SP110: variants seen among roughly 807,000 people sequenced by gnomAD.
SP110 encodes the protein SP110 nuclear body protein, also known as interferon-induced protein 41, 30kD.
SP110 carries 62 observed loss-of-function variants against 92.7 expected under a neutral mutation model. The observed-to-expected ratio is 0.67, with a 90% CI of 0.55 to 0.83. The LOEUF (loss-of-function observed/expected upper bound fraction) is 0.83, where lower values mean the gene tolerates loss of function less well. Ranked by LOEUF, SP110 falls within the 40% of genes least tolerant of loss-of-function variation. The probability of loss-of-function intolerance (pLI) is 0.00; values close to 1 mark genes in which losing one functional copy is unlikely to be tolerated. For missense variants in SP110, 793 were observed against 863.9 expected (o/e 0.92, Z 1.03); for synonymous variants, 273 against 305.3 (o/e 0.89, Z 1.10).
exon 1 of SP110, chr2:230,225,609 T>C: frequency 1.7e-6 from 1 of 585,066 alleles, no homozygotes; most frequent in South Asian, 1.9e-5. Flanking sequence ...AGTGACCCTG[T>C]CTTCCGTGGC....
chr2:230,194,924 G>A (rs2042796630), intron 10 of SP110, among the ~76,000 whole-genome samples: 1 of 152,140 alleles, frequency 6.6e-6, no homozygotes, highest in Non-Finnish European at 1.5e-5. Context: ...TGGCCTAGGG[G>A]ACAAGGTTGG....
At chr2:230,191,565 C>T (rs985290838) in intron 10 of SP110, among the ~76,000 whole-genome samples, 4 of 152,106 alleles carry the variant, frequency 2.6e-5, no homozygotes, top group Non-Finnish European at 1.5e-5. Context: ...CACATACACC[C>T]TATCAAGACT....
intron 12 of SP110, among the ~76,000 whole-genome samples, chr2:230,181,259 A>T (rs1020677845): frequency 3.2e-4 from 49 of 152,358 alleles, no homozygotes; most frequent in African/African-American, 1.2e-3. Flanking sequence ...ACCTTTTTCT[A>T]ACTCACACAC....
At chr2:230,214,477 A>G (rs1010353017) in intron 3 of SP110, among the ~76,000 whole-genome samples, 2 of 152,234 alleles carry the variant, frequency 1.3e-5, no homozygotes, top group Non-Finnish European at 2.9e-5. Context: ...TGTCAGTCAA[A>G]TGGGGTTAAA....
rs1560518118 is a variant in SP110 at position 230,169,106 on chromosome 2, A to AGAACAGG, written c.*17_*18insCCTGTTC. The AGAACAGG allele has an allele frequency of 6.6e-7, 1 of 1,505,876 alleles. No homozygotes were observed. The highest frequency in any genetic ancestry group is 1.1e-5 in the South Asian group (1 of 88,876). The allele number at this position is 1,505,876 out of a possible 1,614,324, so 93.3% of individuals were successfully genotyped here. A position where few individuals can be genotyped will look rare whatever the true frequency, so the allele number is the denominator to read the frequency against. ...CTGAATCCTGAGGTGGGGATGCTTC[A>AGAACAGG]GTCTTTACAGAACAGGGTCAAGGAA... On this transcript the variant is annotated 3_prime_UTR_variant, in exon 19 of 19. Transcript: ENST00000258381.
In SP110 at chr2:230,211,911, A is replaced by C. The variant is rs1194679044; in HGVS notation, c.668-358T>G. Among the ~76,000 whole-genome samples the C allele has an allele frequency of 6.6e-6, 1 of 152,218 alleles. No homozygotes were observed. Among genetic ancestry groups the C allele is most frequent in the Non-Finnish European group, 1.5e-5 (1 of 68,034 alleles). On this transcript the variant is annotated intron_variant, in intron 5 of 18. Transcript: ENST00000258381. The surrounding 1 kb of genome is among the most constrained non-coding windows in gnomAD (Gnocchi z 4.2). ...ATCATACCATTCTTACGTTTAATGT[A>C]ATCAAACTCCATTATGATGATGGTT... is the stretch of plus-strand genomic sequence containing the variant.
intron 14 of SP110, chr2:230,173,163 C>A: frequency 1.8e-6 from 1 of 547,974 alleles, no homozygotes; most frequent in East Asian, 3.5e-5. Context: ...TGGTGACCGC[C>A]GCCACCAGGA....
intron 3 of SP110, 129 bp from the exon 4 acceptor site, chr2:230,213,156 G>A (rs959427901): frequency 2.3e-6 from 2 of 858,082 alleles, no homozygotes; most frequent in Non-Finnish European, 3.8e-6. Flanking sequence ...CAGGTGCAGA[G>A]AACTGATTCA....
At chr2:230,223,258 A>T (rs2045971653), upstream of SP110, among the ~76,000 whole-genome samples, 1 of 151,924 alleles carries the variant, frequency 6.6e-6, no homozygotes, top group Non-Finnish European at 1.5e-5. Context: ...GATGGTCTTG[A>T]TCTCCTGACC....
upstream of SP110, among the ~76,000 whole-genome samples, chr2:230,224,440 G>GGAGGGAGAGA (rs200009484): frequency 7.0e-6 from 1 of 142,970 alleles, no homozygotes; most frequent in South Asian, 2.3e-4. Flanking sequence ...GGAGGGAGAG[G>GGAGGGAGAGA]GAGGGAGAGA....
In SP110 at chr2:230,166,925, T is replaced by C. The variant is rs977754576; in HGVS notation, c.*2199A>G. ...ATAAATGAGTGACTGCTGCTTCCTT[T>C]TTCCCCGTTTGAATGGAAGTGTCTA... On this transcript the variant is annotated 3_prime_UTR_variant, in exon 19 of 19. Coordinates refer to ENST00000258381, the MANE Select transcript of SP110 (RefSeq NM_080424.4). Among the ~76,000 whole-genome samples the C allele has an allele frequency of 6.6e-6, 1 of 152,184 alleles. No homozygotes were observed. Among genetic ancestry groups the C allele is most frequent in the African/African-American group, 2.4e-5 (1 of 41,444 alleles).
chr2:230,208,024 T>C lies in SP110; in HGVS notation c.865A>G (p.Lys289Glu). Residue 289 changes from lysine to glutamate, a missense_variant, in exon 8 of 19, where the codon AAA becomes GAA. Lys to Glu is a moderately conservative substitution (Grantham distance 56). Transcript: ENST00000258381. ...KRKRCIWSTP[K>E]RRHKKKSLPG... ...AGGCTTTTTTTCTTATGTCTCCTTT[T>C]TGGAGTTGACCAGATACATCTTTTT... 6.4e-7 allele frequency: 1 copy of C among 1,568,898 alleles called. No homozygotes were observed. Among genetic ancestry groups the C allele is most frequent in the Non-Finnish European group, 8.8e-7 (1 of 1,140,914 alleles).
chr2:230,190,875 C>T lies in SP110; in HGVS notation c.1130-4732G>A, dbSNP rs143138463. On this transcript the variant is annotated intron_variant, in intron 10 of 18. Transcript: ENST00000258381. The stretch of plus-strand genomic sequence containing the variant: ...GAAGAACAGATGGTTGTAGATGTGT[C>T]GTGTTATTTCTGAGGTCTCTGTTCT... Among the ~76,000 whole-genome samples, 294 of 152,042 alleles carry T rather than the reference C, an allele frequency of 1.9e-3. 2 individuals are homozygous for T. The highest frequency in any genetic ancestry group is 3.5e-3 in the Admixed American group (54 of 15,250).
chr2:230,203,135 A>G (rs377115750), intron 8 of SP110: 4 of 227,482 alleles, frequency 1.8e-5, no homozygotes, highest in Non-Finnish European at 2.6e-5. Flanking sequence ...GATTTCCAAA[A>G]GTTTCTAGGT....
chr2:230,205,607 A>G (rs79253659), intron 8 of SP110, among the ~76,000 whole-genome samples: 19,120 of 152,154 alleles, frequency 0.13, 1,348 homozygotes, highest in South Asian at 0.27. Flanking sequence ...TTAAAAAAAA[A>G]ATCTGTCTTC....
At chr2:230,209,766 AAGGCC>A (rs763304260) in intron 7 of SP110, among the ~76,000 whole-genome samples, 160 bp downstream of exon 7, 2 of 152,152 alleles carry the variant, frequency 1.3e-5, no homozygotes, top group Non-Finnish European at 2.9e-5. Flanking sequence ...AATTTTCATA[AAGGCC>A]TTTTTGGAAG....
At chr2:230,205,847 A>G (rs2043733082) in intron 8 of SP110, among the ~76,000 whole-genome samples, 1 of 152,222 alleles carries the variant, frequency 6.6e-6, no homozygotes, top group African/African-American at 2.4e-5. Context: ...GGGAGCCATC[A>G]GTATAAAGGT....
chr2:230,222,118 T>C (rs1159074815), upstream of SP110, among the ~76,000 whole-genome samples: 1 of 151,746 alleles, frequency 6.6e-6, no homozygotes, highest in East Asian at 1.9e-4. Flanking sequence ...TAATCCGAGC[T>C]ACTCGGGAGG....
At chr2:230,195,623 C>T (rs566597955) in intron 10 of SP110, among the ~76,000 whole-genome samples, 1 of 152,026 alleles carries the variant, frequency 6.6e-6, no homozygotes, top group Admixed American at 6.6e-5. Flanking sequence ...AGCCGGCATG[C>T]CTTATTAATT....
Sources: gnomAD v4.1 joint callset for allele counts (sites outside exome capture counted in the v4.1 genomes callset) on GRCh38, gnomAD v4.1.1 for gene constraint, Gnocchi (gnomAD v3.1) non-coding constraint, MANE v1.5 for transcripts, NCBI Gene and HGNC (gene_info 2026-07-23, HGNC 2026-07-21) for gene names.